Variants in ADAMTS20 observed in about 807,000 individuals in gnomAD.
The protein encoded by ADAMTS20 is A disintegrin and metalloproteinase with thrombospondin motifs 20.
In ADAMTS20, 225 loss-of-function variants were observed where a neutral mutation model predicts 260.1. The observed-to-expected ratio is 0.87, with a 90% CI of 0.78 to 0.97. ADAMTS20 has a LOEUF of 0.97. ADAMTS20 is among the 50% of genes least tolerant of loss of function. ADAMTS20 has a pLI of 0.00. For missense variants in ADAMTS20, 2,400 were observed against 2,337.7 expected, an observed-to-expected ratio of 1.03 and a Z score of -0.55; for synonymous variants, 802 against 769.5, an observed-to-expected ratio of 1.04 and a Z score of -0.70.
At position 43,428,773 on chromosome 12, in the gene ADAMTS20, A is replaced by G. The variant is rs774003525; in HGVS notation, c.3516T>C (p.Thr1172=). ...TPCSVSCGRG[T]QARYVSCRDA... ...CACGACAGCTTACATAGCGGGCTTG[A>G]GTACCTCTTCCACAAGATACGGAGC... The change falls in exon 25 of 39, where the codon ACT becomes ACC. Residue 1172 remains threonine, a synonymous_variant. Coordinates refer to ENST00000389420, the MANE Select transcript of ADAMTS20 (RefSeq NM_025003.5). The G allele has an allele frequency of 6.2e-7, 1 of 1,607,710 alleles. No individual in the cohort carries two copies. The highest frequency in any genetic ancestry group is 1.1e-5 in the South Asian group (1 of 90,352).
intron 37 of ADAMTS20, among the ~76,000 whole-genome samples, chr12:43,362,314 G>T (rs763109933): frequency 2.0e-5 from 3 of 152,168 alleles, no homozygotes; most frequent in Non-Finnish European, 4.4e-5. Context: ...CAGGAGAGGA[G>T]GGACTCAGCA....
intron 28 of ADAMTS20, among the ~76,000 whole-genome samples, chr12:43,419,780 C>G (rs961795407): frequency 6.6e-6 from 1 of 151,970 alleles, no homozygotes; most frequent in African/African-American, 2.4e-5. Context: ...TATGATCTCA[C>G]CAATAATTAG....
In ADAMTS20 at chr12:43,492,535, G is replaced by T. The variant is rs967652154; in HGVS notation, c.1046C>A (p.Ser349Tyr). Residue 349 changes from serine (S) to tyrosine (Y), a missense_variant, in exon 6 of 39, where the codon TCC (serine) becomes TAC (tyrosine). Transcript: ENST00000389420. ...TQNDLDDVHP[S>Y]HHDTAVLITR... Reference sequence around the variant, plus strand: ...GATAAGAACAGCAGTGTCATGGTGGGAAGGGTGAACATCATCAAGGTCATT... The same window carrying T: ...GATAAGAACAGCAGTGTCATGGTGGTAAGGGTGAACATCATCAAGGTCATT... 6.2e-7 allele frequency: 1 copy of T among 1,613,844 alleles called. No homozygotes were observed. Among genetic ancestry groups the T allele is most frequent in the Non-Finnish European group, 8.5e-7 (1 of 1,179,812 alleles).
chr12:43,464,215 T>C (rs539352687), intron 10 of ADAMTS20, among the ~76,000 whole-genome samples: 2 of 152,092 alleles, frequency 1.3e-5, no homozygotes, highest in Non-Finnish European at 2.9e-5. Context: ...ATTAGTTAGA[T>C]TCCTGGTGCC....
At chr12:43,501,461 A>ACG (rs3036316) in intron 4 of ADAMTS20, among the ~76,000 whole-genome samples, 9,614 of 130,426 alleles carry the variant, frequency 0.074, 429 homozygotes, top group Admixed American at 0.15. Context: ...GGAGGGGGAT[A>ACG]CGCGCGCGCG....
intron 11 of ADAMTS20, among the ~76,000 whole-genome samples, chr12:43,455,803 C>T (rs532827751): frequency 6.6e-6 from 1 of 151,742 alleles, no homozygotes; most frequent in Non-Finnish European, 1.5e-5. Context: ...CCGCCTCCCA[C>T]ATTCATGTGA....
At chr12:43,395,180 G>A (rs1033211835) in intron 29 of ADAMTS20, among the ~76,000 whole-genome samples, 2 of 152,066 alleles carry the variant, frequency 1.3e-5, no homozygotes, top group South Asian at 2.1e-4. Context: ...TTTAACCAGC[G>A]CTGGAAGCAG....
intron 2 of ADAMTS20, among the ~76,000 whole-genome samples, chr12:43,541,742 C>T (rs973802561): frequency 3.3e-5 from 5 of 151,548 alleles, no homozygotes; most frequent in Admixed American, 1.3e-4. Flanking sequence ...ATGCATAAAA[C>T]AGAAAATTCA....
chr12:43,385,293 T>C (rs555797737), intron 29 of ADAMTS20, among the ~76,000 whole-genome samples: 2 of 152,348 alleles, frequency 1.3e-5, no homozygotes, highest in Admixed American at 6.5e-5. Context: ...CACCACTTTT[T>C]AATGGGGTTG....
Position 43,454,009 on chromosome 12 carries a change from C to G in ADAMTS20, c.1658G>C (p.Arg553Pro). 3.7e-6 allele frequency: 6 copies of G among 1,613,704 alleles called. No individual in the cohort carries two copies. In the East Asian group the frequency reaches 1.3e-4, roughly 36 times the overall value. The change falls in exon 12 of 39, where the codon CGT (arginine) becomes CCT (proline). Residue 553 changes from arginine to proline, a missense_variant. By Grantham distance (103) the Arg-to-Pro change is moderately radical. Coordinates refer to ENST00000389420, the MANE Select transcript of ADAMTS20 (RefSeq NM_025003.5). ...TGGTCCCCATTCACCATTTACAGGA[C>G]GTGTTTCCGTTTCTTTGTTTACACA... ...GLCVNKETET[R>P]PVNGEWGPWE...
intron 28 of ADAMTS20, among the ~76,000 whole-genome samples, chr12:43,409,193 C>T (rs1025859480): frequency 1.3e-5 from 2 of 151,812 alleles, no homozygotes; most frequent in East Asian, 3.9e-4. Context: ...GCAAGACAAA[C>T]CTTTTGATAA....
At chr12:43,360,703 T>A (rs576013463) in intron 37 of ADAMTS20, among the ~76,000 whole-genome samples, 1 of 152,174 alleles carries the variant, frequency 6.6e-6, no homozygotes, top group South Asian at 2.1e-4. Flanking sequence ...AGACACAACC[T>A]AATAATAGGA....
chr12:43,430,059 T>G (rs960183554), intron 23 of ADAMTS20, among the ~76,000 whole-genome samples: 1 of 151,952 alleles, frequency 6.6e-6, no homozygotes, highest in Non-Finnish European at 1.5e-5. Context: ...TCATGATATT[T>G]ATAATAATAG....
intron 2 of ADAMTS20, among the ~76,000 whole-genome samples, chr12:43,539,899 T>TG (rs1355128074): frequency 6.6e-6 from 1 of 151,950 alleles, no homozygotes; most frequent in Non-Finnish European, 1.5e-5. Context: ...TTTTTTTTTT[T>TG]TTGAGACAGA....
intron 16 of ADAMTS20, among the ~76,000 whole-genome samples, chr12:43,440,469 A>T (rs1397805021): frequency 6.6e-6 from 1 of 152,216 alleles, no homozygotes; most frequent in Non-Finnish European, 1.5e-5. Context: ...TTAAAGTTCA[A>T]ATCCTTTTTT....
At chr12:43,409,666 AT>A (rs1176301613) in intron 28 of ADAMTS20, among the ~76,000 whole-genome samples, 4 of 151,016 alleles carry the variant, frequency 2.6e-5, no homozygotes, top group African/African-American at 7.3e-5. Context: ...GAATCCCAAT[AT>A]TTAACCAGAA....
At chr12:43,460,988 A>ATATTTTTTTTTT in intron 11 of ADAMTS20, among the ~76,000 whole-genome samples, 1 of 26,396 alleles carries the variant, frequency 3.8e-5, no homozygotes, top group African/African-American at 1.3e-4. Context: ...ATATATATAT[A>ATATTTTTTTTTT]TTTTTTTTTT....
At chr12:43,483,477 T>A (rs1295674327) in intron 7 of ADAMTS20, among the ~76,000 whole-genome samples, 2 of 152,096 alleles carry the variant, frequency 1.3e-5, no homozygotes, top group African/African-American at 2.4e-5. Context: ...CCCCTCACCA[T>A]CTGTGGACAG....
In ADAMTS20 at chr12:43,400,049, T is replaced by G. The variant is rs192331523; in HGVS notation, c.4285-816A>C. On this transcript the variant is annotated intron_variant, in intron 28 of 38. Transcript: ENST00000389420. Reference sequence around the variant, plus strand: ...AGTAGTAGCATCAATCTTACAAACTTGTTATGAAGATTAACATAAGATAAA... The same window carrying G: ...AGTAGTAGCATCAATCTTACAAACTGGTTATGAAGATTAACATAAGATAAA... Among the ~76,000 whole-genome samples, 57 of 152,180 alleles carry G rather than the reference T, an allele frequency of 3.7e-4. No homozygotes were observed. In the East Asian group the frequency reaches 8.5e-3, roughly 23 times the overall value.
Sources: allele counts gnomAD v4.1 joint callset (sites outside exome capture counted in the v4.1 genomes callset), GRCh38; gene constraint gnomAD v4.1.1; transcripts MANE v1.5; gene names NCBI Gene and HGNC (gene_info 2026-07-23, HGNC 2026-07-21).